KCNIP4: variants seen among roughly 807,000 people sequenced by gnomAD.
The protein encoded by KCNIP4 is Kv channel-interacting protein 4.
A neutral mutation model predicts 34.0 loss-of-function variants in KCNIP4; 12 were observed. The observed-to-expected ratio is 0.35, with a 90% confidence interval of 0.23 to 0.57. KCNIP4 has a LOEUF of 0.57. KCNIP4 is among the 20% of genes least tolerant of loss of function. The pLI is 0.83. For missense variants in KCNIP4, 238 were observed against 311.7 expected (o/e 0.76, Z 1.78); for synonymous variants, 124 against 102.2 (o/e 1.21, Z -1.29).
intron 1 of KCNIP4, among the ~76,000 whole-genome samples, chr4:21,945,446 A>G (rs1730456743): frequency 6.6e-6 from 1 of 152,142 alleles, no homozygotes; most frequent in African/African-American, 2.4e-5. Context: ...GAATAAATGG[A>G]TTTTTCAATA....
intron 1 of KCNIP4, among the ~76,000 whole-genome samples, chr4:21,714,801 T>G (rs529630166): frequency 0.035 from 29 of 822 alleles, no homozygotes; most frequent in South Asian, 0.23. Flanking sequence ...TTTATTTTAT[T>G]TTATTTTATT....
chr4:21,134,500 A>G (rs2109185056), intron 1 of KCNIP4, among the ~76,000 whole-genome samples: 1 of 152,282 alleles, frequency 6.6e-6, no homozygotes, highest in African/African-American at 2.4e-5. Flanking sequence ...TGAATTTTCA[A>G]CTGCAAACGG....
chr4:21,877,672 C>T (rs1218780767), intron 1 of KCNIP4, among the ~76,000 whole-genome samples: 1 of 152,190 alleles, frequency 6.6e-6, no homozygotes, highest in African/African-American at 2.4e-5. Flanking sequence ...TTCACCACTG[C>T]ATATTCTGAC....
intron 1 of KCNIP4, among the ~76,000 whole-genome samples, chr4:21,831,684 A>AAAG: frequency 6.6e-6 from 1 of 150,600 alleles, no homozygotes; most frequent in African/African-American, 2.4e-5. Flanking sequence ...AAAAAAAAAA[A>AAAG]AGCCCAGGAC....
chr4:21,727,504 A>G (rs1296931780), intron 1 of KCNIP4, among the ~76,000 whole-genome samples: 2 of 152,136 alleles, frequency 1.3e-5, no homozygotes, highest in African/African-American at 4.8e-5. Flanking sequence ...ACAGCAGCAC[A>G]AACAGACCAA....
chr4:21,872,711 G>T (rs183517599), intron 1 of KCNIP4, among the ~76,000 whole-genome samples: 93 of 152,276 alleles, frequency 6.1e-4, no homozygotes, highest in African/African-American at 2.1e-3. Flanking sequence ...ACAACCCTAA[G>T]ATCTAATTTA....
At chr4:21,204,019 C>T (rs796961484) in intron 1 of KCNIP4, among the ~76,000 whole-genome samples, 10 of 152,274 alleles carry the variant, frequency 6.6e-5, no homozygotes, top group African/African-American at 2.2e-4. Context: ...GCATTATGCT[C>T]ATCGCTGGGT....
rs190758652 is a variant in KCNIP4 at position 21,273,185 on chromosome 4, A to G, written c.62-390476T>C. ...ATCAATTTGACCTCTTCTAAGAAAT[A>G]CATGATCCCCTTGACTTAACACAAT... On this transcript the variant is annotated intron_variant, in intron 1 of 8. Transcript: ENST00000382152. Among the ~76,000 whole-genome samples the G allele has an allele frequency of 3.3e-4, 51 of 152,296 alleles. 2 individuals carry two copies. Among genetic ancestry groups the G allele is most frequent in the Admixed American group, 2.9e-3 (44 of 15,288 alleles).
intron 1 of KCNIP4, among the ~76,000 whole-genome samples, chr4:21,407,853 T>G (rs12512509): frequency 6.6e-6 from 1 of 152,142 alleles, no homozygotes; most frequent in African/African-American, 2.4e-5. Context: ...ATAAAAGTTA[T>G]AGTCAGTTGT....
At chr4:21,567,510 C>CA (rs1310471970) in intron 1 of KCNIP4, among the ~76,000 whole-genome samples, 1 of 151,884 alleles carries the variant, frequency 6.6e-6, no homozygotes, top group Non-Finnish European at 1.5e-5. Context: ...CAAAACAAAA[C>CA]AAAAAACCTT....
intron 1 of KCNIP4, among the ~76,000 whole-genome samples, chr4:21,909,759 C>G (rs1728196561): frequency 6.6e-6 from 1 of 151,928 alleles, no homozygotes; most frequent in Non-Finnish European, 1.5e-5. Flanking sequence ...ATGGGGAGGC[C>G]TCACAATCAT....
At chr4:21,504,993 C>T (rs576092475) in intron 1 of KCNIP4, among the ~76,000 whole-genome samples, 3 of 152,168 alleles carry the variant, frequency 2.0e-5, no homozygotes, top group East Asian at 3.9e-4. Flanking sequence ...AATAAAAAGG[C>T]ATCTAAAATT....
intron 1 of KCNIP4, among the ~76,000 whole-genome samples, chr4:21,713,427 A>G (rs1043742960): frequency 6.6e-6 from 1 of 152,166 alleles, no homozygotes; most frequent in East Asian, 1.9e-4. Context: ...TCATTATTTT[A>G]TAGGCAATAT....
intron 1 of KCNIP4, among the ~76,000 whole-genome samples, chr4:21,539,064 G>A (rs552236269): frequency 2.0e-5 from 3 of 152,126 alleles, no homozygotes; most frequent in Non-Finnish European, 4.4e-5. Context: ...CGCTCCTGCC[G>A]CCTTGTGAAG....
intron 1 of KCNIP4, among the ~76,000 whole-genome samples, chr4:21,867,903 C>T (rs1406419351): frequency 6.6e-6 from 1 of 152,118 alleles, no homozygotes; most frequent in African/African-American, 2.4e-5. Context: ...AAAAAGATGT[C>T]CAAATGATCT....
intron 1 of KCNIP4, among the ~76,000 whole-genome samples, chr4:21,263,915 A>C (rs549912099): frequency 2.1e-4 from 32 of 152,222 alleles, no homozygotes; most frequent in African/African-American, 7.7e-4. Context: ...TTAGACTCCC[A>C]AAGTGCTGGG....
At chr4:21,308,729 T>C (rs1429577710) in intron 1 of KCNIP4, among the ~76,000 whole-genome samples, 2 of 152,088 alleles carry the variant, frequency 1.3e-5, no homozygotes, top group East Asian at 3.9e-4. Flanking sequence ...TGTGTGTGTG[T>C]GTGTGTGTGT....
At chr4:20,850,035 C>G (rs1040117775) in intron 3 of KCNIP4, among the ~76,000 whole-genome samples, 1 of 152,194 alleles carries the variant, frequency 6.6e-6, no homozygotes, top group Admixed American at 6.5e-5. Context: ...GGAGGGTCAT[C>G]TGCACACCTG....
At chr4:21,542,008 C>G (rs1009776421) in intron 1 of KCNIP4, among the ~76,000 whole-genome samples, 1 of 152,158 alleles carries the variant, frequency 6.6e-6, no homozygotes, top group Non-Finnish European at 1.5e-5. Context: ...TCCTTTTCTG[C>G]TACAAGTTTT....
Sources: gnomAD v4.1 joint callset for allele counts (sites outside exome capture counted in the v4.1 genomes callset) on GRCh38, gnomAD v4.1.1 for gene constraint, MANE v1.5 for transcripts, NCBI Gene and HGNC (gene_info 2026-07-23, HGNC 2026-07-21) for gene names.